Variants in MYPN observed in about 807,000 individuals in gnomAD.
The protein encoded by MYPN is sarcomeric protein myopalladin, 145 kDa (MYOP).
In MYPN, 63 loss-of-function variants were observed where a neutral mutation model predicts 129.4. The ratio of observed to expected loss-of-function variants is 0.49; its 90% CI spans 0.40 to 0.60. The LOEUF (loss-of-function observed/expected upper bound fraction) is 0.60. MYPN is among the 20% of genes least tolerant of loss of function. MYPN has a pLI of 0.00. For synonymous variants in MYPN, 629 were observed against 600.9 expected, an observed-to-expected ratio of 1.05 and a Z score of -0.68; for missense variants, 1,596 against 1,635.4, an observed-to-expected ratio of 0.98 and a Z score of 0.42.
intron 4 of MYPN, among the ~76,000 whole-genome samples, chr10:68,147,675 G>A (rs1564662104): frequency 6.6e-6 from 1 of 152,066 alleles, no homozygotes; most frequent in Non-Finnish European, 1.5e-5. Context: ...GCCGTTTACC[G>A]AGAGAGATGG....
chr10:68,184,503 A>G (rs754603377), intron 12 of MYPN, among the ~76,000 whole-genome samples: 24 of 152,144 alleles, frequency 1.6e-4, no homozygotes, highest in Admixed American at 5.9e-4. Context: ...ATCTTGACTC[A>G]CTACAACCTC....
At chr10:68,122,960 T>C (rs2042269328) in intron 2 of MYPN, among the ~76,000 whole-genome samples, 1 of 152,070 alleles carries the variant, frequency 6.6e-6, no homozygotes, top group Non-Finnish European at 1.5e-5. Context: ...ATATAACCAA[T>C]ATAAGAATTA....
At chr10:68,136,499 G>A in intron 2 of MYPN, 2 of 1,326,210 alleles carry the variant, frequency 1.5e-6, no homozygotes, top group Non-Finnish European at 2.0e-6. Flanking sequence ...GCATAGCAGG[G>A]TAAATTTAAT....
intron 18 of MYPN, among the ~76,000 whole-genome samples, chr10:68,205,398 G>T (rs1262657778): frequency 6.6e-6 from 1 of 151,548 alleles, no homozygotes; most frequent in South Asian, 2.1e-4. Context: ...AATTTCTTTG[G>T]CCAGGTGTGG....
intron 12 of MYPN, among the ~76,000 whole-genome samples, chr10:68,185,689 C>T (rs2043409359): frequency 1.3e-5 from 2 of 152,154 alleles, no homozygotes; most frequent in African/African-American, 4.8e-5. Flanking sequence ...AAATGTAGCA[C>T]CTATCTCACA....
chr10:68,114,018 C>T (rs948587636), intron 1 of MYPN, among the ~76,000 whole-genome samples: 1 of 152,178 alleles, frequency 6.6e-6, no homozygotes, highest in Non-Finnish European at 1.5e-5. Context: ...GTAACTGGAA[C>T]TTTGTACCCT....
In MYPN at chr10:68,194,516, G is replaced by C. The variant is rs1406143504; in HGVS notation, c.3075+4G>C. On this transcript the variant is annotated splice_donor_region_variant and intron_variant, in intron 14 of 19. Coordinates refer to ENST00000358913, the MANE Select transcript of MYPN (RefSeq NM_032578.4). ...CATCATGGCAGCCAACCCCCAGGTG[G>C]AGACGCAGGGTTCTGCGCTGTGCTG... 6.2e-7 allele frequency: 1 copy of C among 1,612,920 alleles called. No individual in the cohort carries two copies. The highest frequency in any genetic ancestry group is 1.1e-5 in the South Asian group (1 of 91,028).
chr10:68,122,691 CG>C (rs1346295619), intron 2 of MYPN, among the ~76,000 whole-genome samples: 1 of 151,954 alleles, frequency 6.6e-6, no homozygotes. Flanking sequence ...CACCTGAGGT[CG>C]GGAGCTCGAG....
intron 17 of MYPN, 127 bp from the exon 18 acceptor site, chr10:68,201,702 G>A: frequency 1.0e-6 from 1 of 999,978 alleles, no homozygotes. Context: ...TGGCAGGGGA[G>A]GGGTGCAGGC....
intron 13 of MYPN, among the ~76,000 whole-genome samples, chr10:68,189,997 T>C (rs929950458): frequency 1.3e-5 from 2 of 152,146 alleles, no homozygotes; most frequent in Admixed American, 1.3e-4. Flanking sequence ...CAACAGTGTA[T>C]GAGGGTTCCC....
At chr10:68,190,752 A>C (rs528356211) in intron 13 of MYPN, among the ~76,000 whole-genome samples, 1 of 152,296 alleles carries the variant, frequency 6.6e-6, no homozygotes, top group East Asian at 1.9e-4. Context: ...CCCAAAAAAA[A>C]ATTTGGCTAG....
intron 2 of MYPN, among the ~76,000 whole-genome samples, chr10:68,124,303 GTATT>G (rs1291533719): frequency 6.6e-6 from 1 of 152,026 alleles, no homozygotes; most frequent in Non-Finnish European, 1.5e-5. Flanking sequence ...AGAATTCCTG[GTATT>G]TAGAGTCCTA....
At chr10:68,161,626 C>A in intron 7 of MYPN, 103 bp from the exon 8 acceptor site, 1 of 845,532 alleles carries the variant, frequency 1.2e-6, no homozygotes, top group Non-Finnish European at 2.0e-6. Context: ...TGTATCACTC[C>A]TGAGTGTGCA....
chr10:68,162,182 A>AAC (rs2042988955), intron 8 of MYPN: 1 of 150,016 alleles, frequency 6.7e-6, no homozygotes, highest in African/African-American at 2.4e-5. Flanking sequence ...AAAAAAAAAA[A>AAC]AAAAAAACAT....
At chr10:68,200,447 C>A (rs1457152923) in intron 17 of MYPN, among the ~76,000 whole-genome samples, 2 of 152,132 alleles carry the variant, frequency 1.3e-5, no homozygotes, top group Non-Finnish European at 2.9e-5. Context: ...TCCTTCTGCT[C>A]TCAGTGTGGC....
chr10:68,181,267 A>C (rs766559037), intron 12 of MYPN, among the ~76,000 whole-genome samples: 1 of 152,160 alleles, frequency 6.6e-6, no homozygotes, highest in African/African-American at 2.4e-5. Flanking sequence ...TGTGCAGAAC[A>C]GTGCAGAAAA....
intron 6 of MYPN, among the ~76,000 whole-genome samples, chr10:68,150,856 T>A (rs1030326323): frequency 1.8e-4 from 27 of 152,322 alleles, no homozygotes; most frequent in Admixed American, 2.0e-4. Flanking sequence ...ATAGGCAACA[T>A]CTATGCCTGG....
At chr10:68,136,624 CTGAG>C in intron 2 of MYPN, 1 of 1,527,916 alleles carries the variant, frequency 6.5e-7, no homozygotes, top group African/African-American at 1.4e-5. Context: ...TCCTGGCCAT[CTGAG>C]TAAGGACAAA....
Position 68,194,439 on chromosome 10 carries a change from C to T in MYPN, c.3002C>T (p.Thr1001Ile), listed in dbSNP as rs2043569491. ...AAAATGAGGCGAGAAGGAGATGGGA[C>T]ATGCTCTCTGCACATTGAATCCACT... is the stretch of plus-strand genomic sequence containing the variant. ...HCKMRREGDG[T>I]CSLHIESTTS... Residue 1001 changes from threonine (T) to isoleucine (I), a missense_variant, in exon 14 of 20, where the codon ACA (threonine) becomes ATA (isoleucine). Physicochemically the swap from Thr to Ile is moderately conservative, Grantham distance 89 (BLOSUM62 -1). Transcript: ENST00000358913. 1 of 1,613,710 alleles carries T rather than the reference C, an allele frequency of 6.2e-7. No individual in the cohort carries two copies. The highest frequency in any genetic ancestry group is 8.5e-7 in the Non-Finnish European group (1 of 1,179,856).
Sources: allele counts gnomAD v4.1 joint callset (sites outside exome capture counted in the v4.1 genomes callset), GRCh38; gene constraint gnomAD v4.1.1; transcripts MANE v1.5; gene names NCBI Gene and HGNC (gene_info 2026-07-23, HGNC 2026-07-21).